Variants in ZMYM2 observed in about 807,000 individuals in gnomAD.
The protein encoded by ZMYM2 is zinc finger MYM-type containing 2, also known as zinc finger MYM-type protein 2.
A neutral mutation model predicts 162.8 loss-of-function variants in ZMYM2; 56 were observed. The observed-to-expected ratio is 0.34, with a 90% CI of 0.28 to 0.43. The LOEUF is 0.43. ZMYM2 is among the 20% of genes least tolerant of loss of function. The pLI is 1.00. For missense variants in ZMYM2, 1,275 were observed against 1,621.8 expected, an observed-to-expected ratio of 0.79 and a Z score of 3.67; for synonymous variants, 510 against 541.6, an observed-to-expected ratio of 0.94 and a Z score of 0.81.
chr13:19,883,510 C>T, the ZMYM2 span, among the ~76,000 whole-genome samples: 4 of 151,232 alleles, frequency 2.6e-5, no homozygotes, highest in Middle Eastern at 3.4e-3. Context: ...GAGCTTAGCA[C>T]ATTCATAGTT....
At chr13:19,870,450 TTC>T in the ZMYM2 span, among the ~76,000 whole-genome samples, 22 of 151,354 alleles carry the variant, frequency 1.5e-4, no homozygotes, top group Non-Finnish European at 3.1e-4. Context: ...ACACTGTCAT[TTC>T]TCTTTCTCTC....
chr13:20,026,723 T>A lies in ZMYM2; in HGVS notation c.1696T>A (p.Cys566Ser), dbSNP rs1952615324. ...GYMEPYCSTA[C>S]MNSHKTKYAK... ...TATGGAGCCATATTGTTCAACTGCTTGTATGAACAGTCACAAGACAAAATA... is the reference window on the plus strand; with the variant it reads ...TATGGAGCCATATTGTTCAACTGCTAGTATGAACAGTCACAAGACAAAATA... Residue 566 changes from cysteine to serine, a missense_variant, in exon 8 of 25, where the codon TGT becomes AGT. Physicochemically the swap from Cys to Ser is moderately radical, Grantham distance 112 (BLOSUM62 -1). Coordinates refer to ENST00000610343, the MANE Select transcript of ZMYM2 (RefSeq NM_197968.4). 1 of 1,601,928 alleles carries A rather than the reference T, an allele frequency of 6.2e-7. No individual in the cohort carries two copies. Among genetic ancestry groups the A allele is most frequent in the African/African-American group, 1.3e-5 (1 of 74,300 alleles).
intron 16 of ZMYM2, among the ~76,000 whole-genome samples, chr13:20,060,821 G>T (rs1956175085): frequency 6.6e-6 from 1 of 152,142 alleles, no homozygotes; most frequent in Non-Finnish European, 1.5e-5. Context: ...TAGTCCCCTG[G>T]GGGACAGAAA....
chr13:19,910,532 C>CTTT, the ZMYM2 span, among the ~76,000 whole-genome samples: 11 of 143,858 alleles, frequency 7.6e-5, 4 homozygotes, highest in Non-Finnish European at 1.1e-4. Context: ...TTCTCTCTCT[C>CTTT]TCTTTTTTTT....
chr13:20,056,484 G>C (rs1048146940), intron 14 of ZMYM2, among the ~76,000 whole-genome samples: 2 of 152,016 alleles, frequency 1.3e-5, no homozygotes, highest in Non-Finnish European at 2.9e-5. Flanking sequence ...AGGCTTTCAC[G>C]GTGTACCACA....
chr13:19,879,898 T>C, the ZMYM2 span, among the ~76,000 whole-genome samples: 2 of 152,362 alleles, frequency 1.3e-5, no homozygotes, highest in South Asian at 2.1e-4. Context: ...CCCTCACTAA[T>C]GTGCGTAAGC....
chr13:20,049,818 C>G (rs1402586481), intron 12 of ZMYM2, among the ~76,000 whole-genome samples: 4 of 151,974 alleles, frequency 2.6e-5, no homozygotes, highest in Non-Finnish European at 4.4e-5. Context: ...GGTAGTCAGG[C>G]TGTAACTCTA....
At chr13:19,918,305 C>T in the ZMYM2 span, among the ~76,000 whole-genome samples, 19 of 151,236 alleles carry the variant, frequency 1.3e-4, no homozygotes, top group African/African-American at 1.7e-4. Context: ...ATTAGCTGGG[C>T]GTGATGGCAG....
In ZMYM2 at chr13:20,082,811, A is replaced by C; in HGVS notation, c.3599A>C (p.Tyr1200Ser). 3 of 1,611,956 alleles carry C rather than the reference A, an allele frequency of 1.9e-6. No homozygotes were observed. Among genetic ancestry groups the C allele is most frequent in the Non-Finnish European group, 2.5e-6 (3 of 1,178,414 alleles). Residue 1200 changes from tyrosine (Y) to serine (S), a missense_variant, in exon 23 of 25, where the codon TAT (tyrosine) becomes TCT (serine). Physicochemically the swap from Tyr to Ser is moderately radical, Grantham distance 144 (BLOSUM62 -2). This residue lies in a region of ZMYM2 where 103 missense variants were observed against 192.2 expected (regional missense o/e 0.54). Coordinates refer to ENST00000610343, the MANE Select transcript of ZMYM2 (RefSeq NM_197968.4). ...GSIFSRVEED[Y>S]LWRIKQLGSH... is the part of the protein sequence containing the mutation. ...ATATTCTCTCGAGTTGAAGAAGACTATCTCTGGAGGATAAAACAACTAGGA... is the reference window on the plus strand; with the variant it reads ...ATATTCTCTCGAGTTGAAGAAGACTCTCTCTGGAGGATAAAACAACTAGGA...
chr13:20,079,336 AAAAAAAAG>A (rs1304866226), intron 21 of ZMYM2, among the ~76,000 whole-genome samples: 1,839 of 141,372 alleles, frequency 0.013, 161 homozygotes, highest in African/African-American at 0.044. Flanking sequence ...AAAAAAAAAA[AAAAAAAAG>A]GATACTTAAT....
chr13:19,968,541 C>T (rs866557821), intron 2 of ZMYM2, among the ~76,000 whole-genome samples: 1 of 152,160 alleles, frequency 6.6e-6, no homozygotes, highest in African/African-American at 2.4e-5. Context: ...GGATTACAGG[C>T]GTGAGCCACC....
chr13:19,975,352 C>T (rs186654572), intron 2 of ZMYM2, among the ~76,000 whole-genome samples: 133 of 152,286 alleles, frequency 8.7e-4, no homozygotes, highest in Admixed American at 3.1e-3. Context: ...CTTGTCTCCC[C>T]TTCCTCAAGC....
the ZMYM2 span, among the ~76,000 whole-genome samples, chr13:19,885,035 AG>A: frequency 6.6e-6 from 1 of 152,110 alleles, no homozygotes; most frequent in African/African-American, 2.4e-5. Flanking sequence ...ATAATCCTTT[AG>A]CTAGACACAG....
At chr13:20,064,719 A>ACTAT (rs879614346) in intron 19 of ZMYM2, among the ~76,000 whole-genome samples, 174 bp downstream of exon 19, 4,282 of 150,740 alleles carry the variant, frequency 0.028, 76 homozygotes, top group Non-Finnish European at 0.046. Context: ...ATTTATTACT[A>ACTAT]TTATTTATTA....
chr13:20,021,946 A>C (rs184506235), intron 7 of ZMYM2, among the ~76,000 whole-genome samples: 10 of 152,258 alleles, frequency 6.6e-5, no homozygotes, highest in Middle Eastern at 3.4e-3. Flanking sequence ...AGCTGCCTTG[A>C]AAGACTTGTG....
intron 21 of ZMYM2, among the ~76,000 whole-genome samples, chr13:20,073,341 G>T (rs997919325): frequency 2.0e-5 from 3 of 152,136 alleles, no homozygotes; most frequent in Non-Finnish European, 2.9e-5. Context: ...ATATATAACT[G>T]CTTTAAGTTG....
upstream of ZMYM2, among the ~76,000 whole-genome samples, chr13:19,957,739 C>G (rs1211833187): frequency 6.6e-6 from 1 of 152,240 alleles, no homozygotes; most frequent in Admixed American, 6.5e-5. Context: ...GGCTGCGGAG[C>G]ACAGGACGGC....
the ZMYM2 span, among the ~76,000 whole-genome samples, chr13:19,884,519 G>A: frequency 6.6e-6 from 1 of 151,952 alleles, no homozygotes; most frequent in African/African-American, 2.4e-5. Context: ...CTTGCAGTGA[G>A]CCAAGATCGC....
At position 20,086,238 on chromosome 13, in the gene ZMYM2, T is replaced by G; in HGVS notation, c.*224T>G. On this transcript the variant is annotated 3_prime_UTR_variant, in exon 25 of 25. Transcript: ENST00000610343. The stretch of plus-strand genomic sequence containing the variant: ...AAATACATTCAAATTCTTTTTTTAT[T>G]ATTATTTATTTGATTAGGTATGTTT... 2.9e-6 allele frequency: 1 copy of G among 345,954 alleles called. No homozygotes were observed. Among genetic ancestry groups the G allele is most frequent in the Non-Finnish European group, 5.2e-6 (1 of 191,186 alleles). The allele number at this position is 345,954 out of a possible 1,614,324, so 21.4% of individuals were successfully genotyped here. A position where few individuals can be genotyped will look rare whatever the true frequency, so the allele number is the denominator to read the frequency against.
Sources: gnomAD v4.1 joint callset for allele counts (sites outside exome capture counted in the v4.1 genomes callset) on GRCh38, gnomAD v4.1.1 for gene constraint, gnomAD v4.1.1 regional missense constraint, MANE v1.5 for transcripts, NCBI Gene and HGNC (gene_info 2026-07-23, HGNC 2026-07-21) for gene names.